The following PANK1 variants were observed in gnomAD, a reference collection of about 807,000 sequenced individuals.
PANK1 encodes pantothenic acid kinase 1.
A neutral mutation model predicts 40.1 loss-of-function variants in PANK1; 18 were observed. The ratio of observed to expected loss-of-function variants is 0.45; its 90% CI spans 0.31 to 0.67. The LOEUF (loss-of-function observed/expected upper bound fraction) is 0.67. Ranked by LOEUF, PANK1 falls within the 30% of genes least tolerant of loss-of-function variation. The pLI, the probability that PANK1 is intolerant of heterozygous loss-of-function variation, is 0.06. For missense variants in PANK1, 457 were observed against 599.6 expected (o/e 0.76, Z 2.48); for synonymous variants, 242 against 237.7 (o/e 1.02, Z -0.17).
chr10:89,635,106 T>G (rs1841763148), intron 1 of PANK1, among the ~76,000 whole-genome samples: 1 of 152,008 alleles, frequency 6.6e-6, no homozygotes, highest in African/African-American at 2.4e-5. Context: ...ATTAAATGTC[T>G]ACATGGTTGA....
At chr10:89,635,168 C>T (rs186403634) in intron 1 of PANK1, among the ~76,000 whole-genome samples, 229 of 151,916 alleles carry the variant, frequency 1.5e-3, no homozygotes, top group African/African-American at 4.7e-3. Flanking sequence ...ATAAAATGTC[C>T]TCTATTAATA....
At chr10:89,623,388 A>AC (rs1564632873) in intron 1 of PANK1, among the ~76,000 whole-genome samples, 1 of 150,664 alleles carries the variant, frequency 6.6e-6, no homozygotes, top group African/African-American at 2.4e-5. Context: ...TGCCTGGCTA[A>AC]TTTTTTTTTG....
chr10:89,594,324 C>G (rs1038025415), intron 3 of PANK1, among the ~76,000 whole-genome samples: 5 of 152,202 alleles, frequency 3.3e-5, no homozygotes, highest in African/African-American at 1.2e-4. Flanking sequence ...AAATCATGAT[C>G]TCTTCTATTT....
At chr10:89,637,507 T>C (rs1261970472) in intron 1 of PANK1, among the ~76,000 whole-genome samples, 1 of 152,172 alleles carries the variant, frequency 6.6e-6, no homozygotes, top group African/African-American at 2.4e-5. Context: ...GTAACAATGG[T>C]TAGTATTTGT....
intron 2 of PANK1, among the ~76,000 whole-genome samples, chr10:89,604,178 A>G (rs547596308): frequency 5.3e-5 from 8 of 152,334 alleles, no homozygotes; most frequent in Admixed American, 4.6e-4. Flanking sequence ...CTGTTGTTAT[A>G]TCCTATTTGT....
intron 1 of PANK1, among the ~76,000 whole-genome samples, chr10:89,629,573 G>A (rs1301941160): frequency 6.6e-6 from 1 of 152,126 alleles, no homozygotes; most frequent in African/African-American, 2.4e-5. Context: ...AGATATGAAA[G>A]AGATAAAAGT....
At chr10:89,637,843 A>G (rs1841865162) in intron 1 of PANK1, among the ~76,000 whole-genome samples, 1 of 152,206 alleles carries the variant, frequency 6.6e-6, no homozygotes, top group East Asian at 1.9e-4. Context: ...CACTTGGCTT[A>G]AAACACAAAC....
intron 6 of PANK1, among the ~76,000 whole-genome samples, chr10:89,586,057 T>A (rs148583791): frequency 6.6e-6 from 1 of 152,190 alleles, no homozygotes; most frequent in African/African-American, 2.4e-5. Flanking sequence ...CCTACAGAAG[T>A]GAGTTTCCCC....
chr10:89,621,557 C>G (rs1845486612), intron 1 of PANK1, among the ~76,000 whole-genome samples: 2 of 152,148 alleles, frequency 1.3e-5, no homozygotes, highest in Admixed American at 1.3e-4. Flanking sequence ...CAAGGTTAGT[C>G]ACAATAGGTA....
chr10:89,616,605 G>A (rs1483739044), intron 1 of PANK1, among the ~76,000 whole-genome samples: 3 of 152,114 alleles, frequency 2.0e-5, no homozygotes, highest in East Asian at 3.9e-4. Flanking sequence ...ACTCTGGCCT[G>A]GGCAGCAAAG....
chr10:89,620,911 T>C (rs934232712), intron 1 of PANK1, among the ~76,000 whole-genome samples: 3 of 152,218 alleles, frequency 2.0e-5, no homozygotes, highest in South Asian at 2.1e-4. Flanking sequence ...CATTGAAATA[T>C]TGGGGCTGGT....
Position 89,645,128 on chromosome 10 carries a change from C to T in PANK1, c.-237G>A, listed in dbSNP as rs773860515. The T allele has an allele frequency of 9.3e-6, 14 of 1,506,628 alleles. No individual in the cohort carries two copies. Among genetic ancestry groups the T allele is most frequent in the South Asian group, 3.8e-5 (3 of 79,648 alleles). The allele number at this position is 1,506,628 out of a possible 1,614,324, so 93.3% of individuals were successfully genotyped here. ...ACGGCGCCGGCCTGGAGCACGCCAG[C>T]CCCGGGCGCGGAATCGGGGATCCCC... On this transcript the variant is annotated 5_prime_UTR_variant, in exon 1 of 7. Transcript: ENST00000307534.
chr10:89,625,584 C>G (rs1309646526), intron 1 of PANK1: 1 of 152,162 alleles, frequency 6.6e-6, no homozygotes. Flanking sequence ...AGCAACAGTA[C>G]TCATGTATTT....
At chr10:89,597,421 T>A (rs561064179) in intron 3 of PANK1, among the ~76,000 whole-genome samples, 1 of 152,058 alleles carries the variant, frequency 6.6e-6, no homozygotes, top group South Asian at 2.1e-4. Context: ...GTAGCACCTT[T>A]CCAAAACTAC....
At chr10:89,642,900 A>C (rs1248179680) in intron 1 of PANK1, among the ~76,000 whole-genome samples, 1 of 152,244 alleles carries the variant, frequency 6.6e-6, no homozygotes, top group Non-Finnish European at 1.5e-5. Flanking sequence ...TAAAACAACT[A>C]GGATTTTTAT....
At chr10:89,630,655 G>A (rs968804353) in intron 1 of PANK1, among the ~76,000 whole-genome samples, 3 of 152,116 alleles carry the variant, frequency 2.0e-5, no homozygotes, top group African/African-American at 7.2e-5. Flanking sequence ...ACCTCGCCCG[G>A]CTAATTTTTT....
At chr10:89,610,066 T>G (rs7910298) in intron 2 of PANK1, among the ~76,000 whole-genome samples, 102 of 152,096 alleles carry the variant, frequency 6.7e-4, no homozygotes, top group African/African-American at 2.4e-3. Flanking sequence ...AAGTCCCAGC[T>G]CTTACCTAGG....
chr10:89,612,067 G>T lies in PANK1; in HGVS notation c.293-19C>A. The stretch of plus-strand genomic sequence containing the variant: ...GGGAATGCTAAAGGACAGAAAGAAA[G>T]AGTGCTGCTGAATGCTATGCGTGCA... On this transcript the variant is annotated intron_variant, in intron 1 of 6. Transcript: ENST00000307534. 6.3e-7 allele frequency: 1 copy of T among 1,593,872 alleles called. No individual in the cohort carries two copies. Among genetic ancestry groups the T allele is most frequent in the Non-Finnish European group, 8.6e-7 (1 of 1,167,406 alleles).
intron 1 of PANK1, among the ~76,000 whole-genome samples, chr10:89,631,434 C>T (rs1841637960): frequency 6.6e-6 from 1 of 152,090 alleles, no homozygotes; most frequent in Non-Finnish European, 1.5e-5. Context: ...TTCTTTAAAC[C>T]CTTGGTTCAA....
Sources: gnomAD v4.1 joint callset for allele counts (sites outside exome capture counted in the v4.1 genomes callset) on GRCh38, gnomAD v4.1.1 for gene constraint, MANE v1.5 for transcripts, NCBI Gene and HGNC (gene_info 2026-07-23, HGNC 2026-07-21) for gene names.